The following OR2L13 variants were observed in gnomAD, a reference collection of about 807,000 sequenced individuals.
OR2L13 encodes the protein olfactory receptor family 2 subfamily L member 13, also known as olfactory receptor 2L13.
A neutral mutation model predicts 15.3 loss-of-function variants in OR2L13; 14 were observed. The ratio of observed to expected loss-of-function variants is 0.91; its 90% CI spans 0.60 to 1.43. OR2L13 has a LOEUF of 1.43. Ranked by LOEUF, OR2L13 falls within the 40% of genes most tolerant of loss-of-function variation. OR2L13 has a pLI of 0.00. For synonymous variants in OR2L13, 152 were observed against 142.9 expected, an observed-to-expected ratio of 1.06 and a Z score of -0.45; for missense variants, 367 against 387.9, an observed-to-expected ratio of 0.95 and a Z score of 0.45.
At chr1:247,961,135 G>A in the OR2L13 span, among the ~76,000 whole-genome samples, 1 of 152,076 alleles carries the variant, frequency 6.6e-6, no homozygotes, top group African/African-American at 2.4e-5. Context: ...TTTAAAAATC[G>A]GGTGGCTCAT....
chr1:248,098,103 C>G (rs1664774330), intron 1 of OR2L13, among the ~76,000 whole-genome samples: 1 of 152,148 alleles, frequency 6.6e-6, no homozygotes, highest in South Asian at 2.1e-4. Context: ...GTTTGGAATA[C>G]TTTTTGAATT....
At chr1:248,017,280 G>GA in the OR2L13 span, among the ~76,000 whole-genome samples, 1 of 152,064 alleles carries the variant, frequency 6.6e-6, no homozygotes, top group Non-Finnish European at 1.5e-5. Context: ...TTTTACATAA[G>GA]AAAAAAATGT....
chr1:247,949,642 G>T, the OR2L13 span: 7 of 1,613,736 alleles, frequency 4.3e-6, no homozygotes, highest in Non-Finnish European at 5.9e-6. Context: ...CTACGTCCAA[G>T]ATCCCTGCGA....
At chr1:248,047,269 T>G in the OR2L13 span, among the ~76,000 whole-genome samples, 1 of 152,272 alleles carries the variant, frequency 6.6e-6, no homozygotes, top group Admixed American at 6.5e-5. Context: ...TGATTTCTTT[T>G]GCCATGAATG....
chr1:247,975,273 G>T, the OR2L13 span: 1 of 447,790 alleles, frequency 2.2e-6, no homozygotes, highest in Non-Finnish European at 4.5e-6. Context: ...CAGCCATGGT[G>T]ACTCTGGCCT....
the OR2L13 span, among the ~76,000 whole-genome samples, chr1:248,074,554 G>A: frequency 1.3e-5 from 2 of 152,026 alleles, no homozygotes; most frequent in Non-Finnish European, 2.9e-5. Flanking sequence ...CACCAACAAC[G>A]TTCAAGCTGA....
At chr1:247,955,567 A>C in the OR2L13 span, among the ~76,000 whole-genome samples, 119,511 of 151,376 alleles carry the variant, frequency 0.79, 51,745 homozygotes, top group South Asian at 0.95. Flanking sequence ...TCCCATCAAC[A>C]GTGTAAAAGT....
At chr1:248,082,972 G>A in the OR2L13 span, among the ~76,000 whole-genome samples, 2 of 152,120 alleles carry the variant, frequency 1.3e-5, no homozygotes, top group Non-Finnish European at 2.9e-5. Context: ...TGATTACAGT[G>A]AGACTCTGGG....
the OR2L13 span, among the ~76,000 whole-genome samples, chr1:247,988,751 A>G: frequency 3.9e-5 from 6 of 152,174 alleles, no homozygotes; most frequent in South Asian, 2.1e-4. Context: ...TGCTCGAACC[A>G]CCTATACCCA....
chr1:248,023,034 T>C, the OR2L13 span: 2 of 707,802 alleles, frequency 2.8e-6, no homozygotes, highest in Non-Finnish European at 4.5e-6. Context: ...GACATTATAG[T>C]TGCATATTCT....
the OR2L13 span, among the ~76,000 whole-genome samples, chr1:247,982,648 A>T: frequency 2.6e-5 from 4 of 152,306 alleles, no homozygotes; most frequent in South Asian, 8.3e-4. Flanking sequence ...AAACTTTTAT[A>T]TTGGGAACAA....
At chr1:248,086,202 T>G in the OR2L13 span, among the ~76,000 whole-genome samples, 1 of 152,192 alleles carries the variant, frequency 6.6e-6, no homozygotes, top group Non-Finnish European at 1.5e-5. Context: ...ATTAATTAGA[T>G]TAGTGAGCTG....
chr1:247,995,021 A>G, the OR2L13 span, among the ~76,000 whole-genome samples: 5 of 152,266 alleles, frequency 3.3e-5, no homozygotes, highest in East Asian at 1.9e-4. Flanking sequence ...ATCTGACTCT[A>G]CCTGGAACTT....
At chr1:248,017,120 A>C in the OR2L13 span, among the ~76,000 whole-genome samples, 2 of 152,154 alleles carry the variant, frequency 1.3e-5, no homozygotes, top group Non-Finnish European at 2.9e-5. Context: ...CTTTTGTATG[A>C]CATCATTAAT....
At chr1:248,009,369 C>G in the OR2L13 span, among the ~76,000 whole-genome samples, 1 of 152,082 alleles carries the variant, frequency 6.6e-6, no homozygotes, top group Non-Finnish European at 1.5e-5. Flanking sequence ...GAAACACCGA[C>G]TATCATCAGA....
chr1:248,078,177 G>T, the OR2L13 span, among the ~76,000 whole-genome samples: 1 of 152,164 alleles, frequency 6.6e-6, no homozygotes, highest in African/African-American at 2.4e-5. Context: ...AAAATTGCTA[G>T]TAGGAATAAA....
chr1:247,946,526 A>G, the OR2L13 span, among the ~76,000 whole-genome samples: 2 of 152,196 alleles, frequency 1.3e-5, no homozygotes, highest in Non-Finnish European at 2.9e-5. Flanking sequence ...ACATAGTCTC[A>G]GCAGACCACA....
At chr1:247,983,557 A>G in the OR2L13 span, among the ~76,000 whole-genome samples, 2 of 144,202 alleles carry the variant, frequency 1.4e-5, no homozygotes, top group Non-Finnish European at 3.0e-5. Flanking sequence ...ACTCATTTGG[A>G]TTTATTTTTA....
At chr1:248,080,454 T>C in the OR2L13 span, among the ~76,000 whole-genome samples, 144 of 152,096 alleles carry the variant, frequency 9.5e-4, no homozygotes, top group African/African-American at 3.4e-3. Context: ...GAGGCCCCGG[T>C]GTGTGATGTT....
Sources: gnomAD v4.1 joint callset for allele counts (sites outside exome capture counted in the v4.1 genomes callset) on GRCh38, gnomAD v4.1.1 for gene constraint, MANE v1.5 for transcripts, NCBI Gene and HGNC (gene_info 2026-07-23, HGNC 2026-07-21) for gene names.